The following ALK variants were observed in gnomAD, a reference collection of about 807,000 sequenced individuals.
ALK encodes ALK receptor tyrosine kinase, also known as ALK tyrosine kinase receptor.
In ALK, 74 loss-of-function variants were observed where a neutral mutation model predicts 163.1. The ratio of observed to expected loss-of-function variants is 0.45; its 90% confidence interval spans 0.38 to 0.55. ALK has a LOEUF of 0.55. ALK is among the 20% of genes least tolerant of loss of function. The pLI, the probability that ALK is intolerant of heterozygous loss-of-function variation, is 0.00. For synonymous variants in ALK, 960 were observed against 843.2 expected (o/e 1.14, Z -2.40); for missense variants, 2,063 against 2,105.3 (o/e 0.98, Z 0.39).
At chr2:29,204,752 G>A (rs1445569993) in intron 26 of ALK, among the ~76,000 whole-genome samples, 3 of 152,198 alleles carry the variant, frequency 2.0e-5, no homozygotes, top group East Asian at 1.9e-4. Flanking sequence ...ACCATGCCCA[G>A]CTAAATTTTG....
chr2:29,889,757 G>T (rs969985625), intron 1 of ALK, among the ~76,000 whole-genome samples: 9 of 133,358 alleles, frequency 6.7e-5, no homozygotes, highest in Non-Finnish European at 9.7e-5. Flanking sequence ...GAGAGAGAGA[G>T]AGAAACCAGG....
intron 4 of ALK, among the ~76,000 whole-genome samples, chr2:29,518,676 A>G (rs1290083164): frequency 6.6e-6 from 1 of 152,202 alleles, no homozygotes; most frequent in East Asian, 1.9e-4. Context: ...TCTGAACAAT[A>G]TGGCTGTGGC....
intron 1 of ALK, among the ~76,000 whole-genome samples, chr2:29,747,976 T>C (rs1680250210): frequency 6.6e-6 from 1 of 152,210 alleles, no homozygotes. Flanking sequence ...AACGAAAGAA[T>C]GAGTCATGTG....
chr2:29,222,202 G>A, intron 22 of ALK, 142 bp downstream of exon 22: 1 of 778,972 alleles, frequency 1.3e-6, no homozygotes. Context: ...TGTCTAGAAT[G>A]TTTGGGAGTC....
In ALK at chr2:29,695,032, G is replaced by C; in HGVS notation, c.788-18C>G. On this transcript the variant is annotated intron_variant, in intron 2 of 28. Transcript: ENST00000389048. ...CTCCAGACCTGCAATAATAGCCAAGGGTCAATGGAAAAAACCATTTCCCAA... is the reference window on the plus strand; with the variant it reads ...CTCCAGACCTGCAATAATAGCCAAGCGTCAATGGAAAAAACCATTTCCCAA... The C allele has an allele frequency of 1.9e-6, 3 of 1,613,860 alleles. No individual in the cohort carries two copies. Among genetic ancestry groups the C allele is most frequent in the Admixed American group, 1.7e-5 (1 of 60,004 alleles).
intron 1 of ALK, among the ~76,000 whole-genome samples, chr2:29,752,465 T>C: frequency 6.7e-6 from 1 of 149,270 alleles, no homozygotes; most frequent in Admixed American, 6.7e-5. Flanking sequence ...TTCTCCTGCC[T>C]CAGCCTCCTG....
chr2:29,208,208 C>A (rs745709213), intron 25 of ALK, among the ~76,000 whole-genome samples: 2 of 152,100 alleles, frequency 1.3e-5, no homozygotes, highest in African/African-American at 2.4e-5. Flanking sequence ...CTACTTGAGG[C>A]AGGGGTAGGG....
chr2:29,300,216 AAG>A (rs1168882713), intron 8 of ALK, among the ~76,000 whole-genome samples: 2 of 13,466 alleles, frequency 1.5e-4, no homozygotes, highest in Non-Finnish European at 8.4e-4. Context: ...TGAGATGCCC[AAG>A]AGTGGAGGAA....
At chr2:29,497,686 G>T (rs1672065352) in intron 4 of ALK, among the ~76,000 whole-genome samples, 1 of 152,190 alleles carries the variant, frequency 6.6e-6, no homozygotes, top group African/African-American at 2.4e-5. Context: ...CTTGAAGACA[G>T]AATCTTTTTC....
rs1045323816 is a variant in ALK, at chr2:29,920,783, G to A, written c.-124C>T. The A allele has an allele frequency of 4.7e-6, 4 of 854,450 alleles. No individual in the cohort carries two copies. The African/African-American group carries it at 5.1e-5, about 11-fold the overall frequency. 52.9% of individuals were successfully genotyped at this position (854,450 alleles called of 1,614,324 possible). ...CGGCTCCTTCCACCTGATCTCCAGA[G>A]GACTGTGCGTGCGCGCAAGTCTCTT... On this transcript the variant is annotated 5_prime_UTR_variant, in exon 1 of 29. Coordinates refer to ENST00000389048, the MANE Select transcript of ALK (RefSeq NM_004304.5).
chr2:29,551,043 TCTC>T (rs1331177816), intron 3 of ALK, among the ~76,000 whole-genome samples: 3 of 152,254 alleles, frequency 2.0e-5, no homozygotes, highest in East Asian at 3.9e-4. Flanking sequence ...ATAAAGTTGT[TCTC>T]CTGCTTCTGT....
chr2:29,836,010 A>G (rs1003102641), intron 1 of ALK, among the ~76,000 whole-genome samples: 3 of 152,116 alleles, frequency 2.0e-5, no homozygotes, highest in African/African-American at 7.2e-5. Flanking sequence ...CACAACTTCC[A>G]TTCCATAGCT....
At chr2:29,233,923 G>A (rs1309566761) in intron 13 of ALK, among the ~76,000 whole-genome samples, 1 of 152,246 alleles carries the variant, frequency 6.6e-6, no homozygotes, top group Non-Finnish European at 1.5e-5. Flanking sequence ...GGGAGAGAGA[G>A]AGCAAGGTTT....
At position 29,232,291 on chromosome 2, in the gene ALK, T is replaced by A. The variant is rs754668176; in HGVS notation, c.2632+13A>T. 6.2e-7 allele frequency: 1 copy of A among 1,614,124 alleles called. No homozygotes were observed. Among genetic ancestry groups the A allele is most frequent in the South Asian group, 1.1e-5 (1 of 91,076 alleles). On this transcript the variant is annotated intron_variant, in intron 15 of 28. Coordinates refer to ENST00000389048, the MANE Select transcript of ALK (RefSeq NM_004304.5). ...GAGAGGTTCTGGGAGAGGGCACGCT[T>A]GCAGCGCTTTACCTGCGGCTCCGGA... is the stretch of plus-strand genomic sequence containing the variant.
At chr2:29,441,775 A>G (rs1317799927) in intron 4 of ALK, among the ~76,000 whole-genome samples, 1 of 152,146 alleles carries the variant, frequency 6.6e-6, no homozygotes, top group East Asian at 1.9e-4. Flanking sequence ...AGGAGCAACA[A>G]TGTCTTTCCA....
chr2:29,584,739 C>T (rs906591452), intron 3 of ALK, among the ~76,000 whole-genome samples: 2 of 152,172 alleles, frequency 1.3e-5, no homozygotes, highest in Admixed American at 6.5e-5. Flanking sequence ...CTGGTTTGCA[C>T]CTGAGCATGG....
intron 8 of ALK, among the ~76,000 whole-genome samples, chr2:29,309,414 C>T (rs1666634662): frequency 6.6e-6 from 1 of 152,156 alleles, no homozygotes; most frequent in Non-Finnish European, 1.5e-5. Context: ...AGTGATTCTT[C>T]CTAGACCTCA....
At chr2:29,362,167 G>A (rs192232464) in intron 5 of ALK, among the ~76,000 whole-genome samples, 3 of 152,228 alleles carry the variant, frequency 2.0e-5, no homozygotes, top group Admixed American at 6.5e-5. Flanking sequence ...GAGAACAGGG[G>A]GAAAGAAGGA....
At chr2:29,511,074 C>T (rs1488337659) in intron 4 of ALK, among the ~76,000 whole-genome samples, 4 of 152,234 alleles carry the variant, frequency 2.6e-5, no homozygotes, top group South Asian at 4.2e-4. Flanking sequence ...ACTAATTTTA[C>T]TCTCACCTCT....
Sources: allele counts gnomAD v4.1 joint callset (sites outside exome capture counted in the v4.1 genomes callset), GRCh38; gene constraint gnomAD v4.1.1; transcripts MANE v1.5; gene names NCBI Gene and HGNC (gene_info 2026-07-23, HGNC 2026-07-21).